Variants in ASAP1 observed in about 807,000 individuals in gnomAD.
The protein encoded by ASAP1 is ArfGAP with SH3 domain, ankyrin repeat and PH domain 1.
A neutral mutation model predicts 145.2 loss-of-function variants in ASAP1; 43 were observed. That is an observed-to-expected ratio of 0.30 (90% CI 0.23 to 0.38). The LOEUF is 0.38. Ranked by LOEUF, ASAP1 falls within the 10% of genes least tolerant of loss-of-function variation. The pLI, the probability that ASAP1 is intolerant of heterozygous loss-of-function variation, is 1.00. For missense variants in ASAP1, 1,018 were observed against 1,355.3 expected, an observed-to-expected ratio of 0.75 and a Z score of 3.91; for synonymous variants, 546 against 515.5, an observed-to-expected ratio of 1.06 and a Z score of -0.80.
At chr8:130,308,250 G>T (rs1265672325) in intron 3 of ASAP1, among the ~76,000 whole-genome samples, 1 of 152,078 alleles carries the variant, frequency 6.6e-6, no homozygotes, top group African/African-American at 2.4e-5. Flanking sequence ...TTCTCCCACT[G>T]GATTATAAAA....
intron 2 of ASAP1, among the ~76,000 whole-genome samples, chr8:130,370,769 A>C (rs1299303261): frequency 2.0e-5 from 3 of 152,242 alleles, no homozygotes; most frequent in Non-Finnish European, 4.4e-5. Context: ...TGAAACTTGG[A>C]AACATTATGC....
At chr8:130,313,263 A>G (rs1178162045) in intron 3 of ASAP1, among the ~76,000 whole-genome samples, 1 of 152,158 alleles carries the variant, frequency 6.6e-6, no homozygotes, top group Non-Finnish European at 1.5e-5. Context: ...CCTAAAATAA[A>G]ACATATCCTC....
At chr8:130,064,717 C>T (rs2097426697) in intron 27 of ASAP1, among the ~76,000 whole-genome samples, 1 of 152,278 alleles carries the variant, frequency 6.6e-6, no homozygotes, top group African/African-American at 2.4e-5. Context: ...CAGCTTGAGG[C>T]TCAGTCCCCC....
chr8:130,396,415 T>C (rs10103132), intron 2 of ASAP1, among the ~76,000 whole-genome samples: 49,174 of 152,018 alleles, frequency 0.32, 8,758 homozygotes, highest in African/African-American at 0.46. Flanking sequence ...ACCAGCATCA[T>C]CACTTCCCAT....
chr8:130,322,782 C>T (rs769745884), intron 3 of ASAP1, among the ~76,000 whole-genome samples: 3 of 152,116 alleles, frequency 2.0e-5, no homozygotes, highest in Non-Finnish European at 2.9e-5. Context: ...GATGCACATA[C>T]GTATAACTAA....
intron 24 of ASAP1, among the ~76,000 whole-genome samples, chr8:130,111,327 G>T (rs557484781): frequency 6.6e-6 from 1 of 151,322 alleles, no homozygotes; most frequent in Non-Finnish European, 1.5e-5. Context: ...AGATGGAGGC[G>T]ACTGAGAAAG....
chr8:130,106,659 T>C (rs1343465138), intron 24 of ASAP1, among the ~76,000 whole-genome samples: 1 of 152,248 alleles, frequency 6.6e-6, no homozygotes. Flanking sequence ...TGCTGTTGTT[T>C]ATGCATCTGA....
At chr8:130,137,678 A>G (rs1201851828) in intron 13 of ASAP1, among the ~76,000 whole-genome samples, 1 of 152,210 alleles carries the variant, frequency 6.6e-6, no homozygotes, top group African/African-American at 2.4e-5. Flanking sequence ...GCAATGCTTA[A>G]TGAACCCCAA....
intron 3 of ASAP1, among the ~76,000 whole-genome samples, chr8:130,330,252 A>G (rs140915819): frequency 2.0e-5 from 3 of 152,340 alleles, no homozygotes; most frequent in Non-Finnish European, 4.4e-5. Flanking sequence ...TCTCCATTCC[A>G]CTTTGCATTT....
At chr8:130,126,514 T>C (rs1460265073) in intron 16 of ASAP1, among the ~76,000 whole-genome samples, 1 of 152,198 alleles carries the variant, frequency 6.6e-6, no homozygotes, top group African/African-American at 2.4e-5. Context: ...GGCCTCCCCA[T>C]GAGCACTTCT....
In ASAP1 at chr8:130,401,885, C is replaced by T. The variant is rs959912779; in HGVS notation, c.59G>A (p.Arg20Gln). The T allele has an allele frequency of 1.2e-5, 19 of 1,613,158 alleles. No individual in the cohort carries two copies. The highest frequency in any genetic ancestry group is 3.3e-5 in the South Asian group (3 of 90,920). ...SFSSRDSLWN[R>Q]MPDQISVSEF... is the part of the protein sequence containing the mutation. Reference sequence around the variant, plus strand: ...ACAGGATGGGCTAGAGATCACTCACCGATTCCATAGTGAATCTCTCGACGA... The same window carrying T: ...ACAGGATGGGCTAGAGATCACTCACTGATTCCATAGTGAATCTCTCGACGA... The change falls in exon 2 of 30, where the codon CGG becomes CAG. Residue 20 changes from arginine (R) to glutamine (Q), a missense_variant and splice_region_variant. This residue lies in a region of ASAP1 where 106 missense variants were observed against 134.5 expected (regional missense o/e 0.79). Transcript: ENST00000518721.
At chr8:130,433,964 T>C (rs1425013236) in intron 1 of ASAP1, among the ~76,000 whole-genome samples, 2 of 152,154 alleles carry the variant, frequency 1.3e-5, no homozygotes, top group Non-Finnish European at 1.5e-5. Context: ...GTAGAGGCAA[T>C]ATTGTATCGT....
intron 3 of ASAP1, among the ~76,000 whole-genome samples, chr8:130,343,062 G>C (rs181137667): frequency 6.6e-6 from 1 of 152,200 alleles, no homozygotes; most frequent in Admixed American, 6.5e-5. Flanking sequence ...AAAATGTTCA[G>C]GCAAGGAAGA....
chr8:130,346,792 C>G (rs909309387), intron 3 of ASAP1, among the ~76,000 whole-genome samples: 31 of 144,656 alleles, frequency 2.1e-4, no homozygotes, highest in African/African-American at 7.3e-4. Flanking sequence ...AAAGCAGCAG[C>G]AGCTGCTGGG....
At chr8:130,113,536 C>T (rs1233065671) in intron 23 of ASAP1, among the ~76,000 whole-genome samples, 1 of 152,116 alleles carries the variant, frequency 6.6e-6, no homozygotes, top group Non-Finnish European at 1.5e-5. Flanking sequence ...GGCTTGAGGA[C>T]CTCTTTGGCC....
chr8:130,213,435 T>C (rs1030450017), intron 5 of ASAP1, among the ~76,000 whole-genome samples: 1 of 152,318 alleles, frequency 6.6e-6, no homozygotes, highest in African/African-American at 2.4e-5. Context: ...ATTTTTCAAA[T>C]AGGTTATCTT....
chr8:130,257,601 AC>A (rs1819637325), intron 3 of ASAP1, among the ~76,000 whole-genome samples: 1 of 152,188 alleles, frequency 6.6e-6, no homozygotes, highest in Admixed American at 6.5e-5. Flanking sequence ...TCTGTGCCCA[AC>A]TAGCCCAATT....
intron 1 of ASAP1, among the ~76,000 whole-genome samples, chr8:130,424,186 G>GGA (rs1391782760): frequency 6.6e-6 from 1 of 152,212 alleles, no homozygotes; most frequent in Non-Finnish European, 1.5e-5. Context: ...CTTGAAAATG[G>GGA]GAGAGTTGCA....
chr8:130,063,400 T>C (rs2045092), intron 27 of ASAP1, among the ~76,000 whole-genome samples: 89,326 of 152,022 alleles, frequency 0.59, 27,098 homozygotes, highest in African/African-American at 0.74. Context: ...CTTCAGGTAT[T>C]TAGACCCTGT....
Sources: gnomAD v4.1 joint callset for allele counts (sites outside exome capture counted in the v4.1 genomes callset) on GRCh38, gnomAD v4.1.1 for gene constraint, gnomAD v4.1.1 regional missense constraint, MANE v1.5 for transcripts, NCBI Gene and HGNC (gene_info 2026-07-23, HGNC 2026-07-21) for gene names.